Variants in MITF observed in about 807,000 individuals in gnomAD.
MITF encodes the protein microphthalmia-associated transcription factor.
A neutral mutation model predicts 60.5 loss-of-function variants in MITF; 17 were observed. The observed-to-expected ratio is 0.28, with a 90% CI of 0.19 to 0.42. The LOEUF is 0.42. Ranked by LOEUF, MITF falls within the 10% of genes least tolerant of loss-of-function variation. The probability of loss-of-function intolerance (pLI) is 1.00; values close to 1 mark genes in which losing one functional copy is unlikely to be tolerated. For missense variants in MITF, 622 were observed against 683.5 expected (o/e 0.91, Z 1.00); for synonymous variants, 260 against 248.5 (o/e 1.05, Z -0.43).
intron 2 of MITF, among the ~76,000 whole-genome samples, chr3:69,925,501 T>C (rs1247679098): frequency 6.6e-6 from 1 of 152,228 alleles, no homozygotes; most frequent in Non-Finnish European, 1.5e-5. Flanking sequence ...GTTTTTAAAT[T>C]AGACTTAGTG....
chr3:69,755,433 G>GTTT (rs542141862), intron 1 of MITF, among the ~76,000 whole-genome samples: 5 of 35,426 alleles, frequency 1.4e-4, no homozygotes, highest in African/African-American at 1.4e-4. Context: ...ACCCTTCTGG[G>GTTT]TTTTTTTTTT....
At chr3:69,839,317 C>T (rs1257187681) in intron 1 of MITF, among the ~76,000 whole-genome samples, 1 of 151,728 alleles carries the variant, frequency 6.6e-6, no homozygotes. Flanking sequence ...ACTGCTTTTC[C>T]CACTGGAAGA....
intron 5 of MITF, among the ~76,000 whole-genome samples, chr3:69,945,455 C>T (rs2066071863): frequency 6.6e-6 from 1 of 152,130 alleles, no homozygotes; most frequent in South Asian, 2.1e-4. Context: ...TTTTTCTTAG[C>T]TCTAAAGGTG....
intron 2 of MITF, among the ~76,000 whole-genome samples, chr3:69,917,085 TAAAAACAAG>T (rs755930023): frequency 6.6e-6 from 1 of 152,116 alleles, no homozygotes; most frequent in African/African-American, 2.4e-5. Context: ...TAACAGGGTA[TAAAAACAAG>T]AAAAACAAGA....
Position 69,965,070 on chromosome 3 carries a change from A to G in MITF, c.1403A>G (p.Asn468Ser), listed in dbSNP as rs1329983666. The change falls in exon 10 of 10, where the codon AAC (asparagine) becomes AGC (serine). Residue 468 changes from asparagine to serine, a missense_variant. By Grantham distance (46) the Asn-to-Ser change is conservative. Transcript: ENST00000352241. Reference sequence around the variant, plus strand: ...AACCTCGGAACTGGGACTGAGGCCAACCAAGCCTATAGTGTCCCCACAAAA... The same window carrying G: ...AACCTCGGAACTGGGACTGAGGCCAGCCAAGCCTATAGTGTCCCCACAAAA... ...NNNLGTGTEA[N>S]QAYSVPTKMG... 2 of 1,614,098 alleles carry G rather than the reference A, an allele frequency of 1.2e-6. No homozygotes were observed. The highest frequency in any genetic ancestry group is 8.5e-7 in the Non-Finnish European group (1 of 1,180,004).
At chr3:69,946,613 C>G (rs759742898) in intron 5 of MITF, among the ~76,000 whole-genome samples, 1 of 152,044 alleles carries the variant, frequency 6.6e-6, no homozygotes. Context: ...AATGAGATGA[C>G]CCCCAGCAAA....
intron 1 of MITF, chr3:69,763,951 G>A (rs963853013): frequency 7.4e-7 from 1 of 1,350,362 alleles, no homozygotes; most frequent in Admixed American, 2.2e-5. Context: ...AGGTAATACA[G>A]ATGATAACCA....
At chr3:69,832,689 G>GT (rs72447771) in intron 1 of MITF, among the ~76,000 whole-genome samples, 7 of 126,406 alleles carry the variant, frequency 5.5e-5, no homozygotes, top group African/African-American at 1.9e-4. Context: ...CAGTGTATGT[G>GT]TTTTTTTTGC....
intron 1 of MITF, among the ~76,000 whole-genome samples, chr3:69,758,043 CTA>C (rs1276115700): frequency 3.9e-5 from 4 of 103,800 alleles, no homozygotes; most frequent in Admixed American, 9.8e-5. Context: ...GTGTGTGTGT[CTA>C]TATATATAAT....
chr3:69,914,563 T>C (rs2065293373), intron 2 of MITF, among the ~76,000 whole-genome samples: 1 of 152,230 alleles, frequency 6.6e-6, no homozygotes, highest in Non-Finnish European at 1.5e-5. Context: ...TTATTGCTTC[T>C]TCTGGCTTGG....
intron 1 of MITF, among the ~76,000 whole-genome samples, chr3:69,870,054 T>C (rs1476097625): frequency 1.3e-5 from 2 of 152,006 alleles, no homozygotes; most frequent in African/African-American, 4.8e-5. Flanking sequence ...TTCCTATTTT[T>C]CTTCACCTAG....
At chr3:69,791,829 T>C (rs144588177) in intron 1 of MITF, among the ~76,000 whole-genome samples, 14 of 152,356 alleles carry the variant, frequency 9.2e-5, no homozygotes, top group African/African-American at 3.1e-4. Flanking sequence ...ACTGCCTATA[T>C]GTTTCATGCT....
chr3:69,882,404 G>A (rs1204851654), intron 2 of MITF, among the ~76,000 whole-genome samples: 1 of 152,026 alleles, frequency 6.6e-6, no homozygotes, highest in Non-Finnish European at 1.5e-5. Context: ...TATTTACATA[G>A]TAAAGATATT....
At chr3:69,757,257 T>C (rs1704186988) in intron 1 of MITF, among the ~76,000 whole-genome samples, 1 of 152,162 alleles carries the variant, frequency 6.6e-6, no homozygotes, top group Non-Finnish European at 1.5e-5. Flanking sequence ...TACAAACATA[T>C]GTAGGATTCT....
intron 1 of MITF, among the ~76,000 whole-genome samples, chr3:69,821,690 T>TAAAAAAAAAAAAAAAAAAAAAACAAAA: frequency 8.8e-6 from 1 of 113,248 alleles, no homozygotes; most frequent in Non-Finnish European, 1.8e-5. Flanking sequence ...AAAAAAAAAC[T>TAAAAAAAAAAAAAAAAAAAAAACAAAA]AAAAAAAAAA....
In MITF at chr3:69,927,908, G is replaced by A. The variant is rs533637846; in HGVS notation, c.355-9914G>A. ...ATAATTAATTGAATCCATGGCCTAT[G>A]AGATATTTGTTTTCAATTTTTTTAT... On this transcript the variant is annotated intron_variant, in intron 2 of 9. Coordinates refer to ENST00000352241, the MANE Select transcript of MITF (RefSeq NM_001354604.2). Among the ~76,000 whole-genome samples, 6 of 152,340 alleles carry A rather than the reference G, an allele frequency of 3.9e-5. No individual in the cohort carries two copies. The East Asian group carries it at 1.2e-3, about 29-fold the overall frequency.
chr3:69,962,933 G>C (rs1013223012), intron 9 of MITF, among the ~76,000 whole-genome samples: 1 of 152,154 alleles, frequency 6.6e-6, no homozygotes, highest in Non-Finnish European at 1.5e-5. Flanking sequence ...TGTCAGCAGG[G>C]TTGGTCCCTT....
intron 1 of MITF, among the ~76,000 whole-genome samples, chr3:69,741,187 GTT>G (rs1703516465): frequency 6.6e-6 from 1 of 152,138 alleles, no homozygotes; most frequent in African/African-American, 2.4e-5. Context: ...GATTGTGTGT[GTT>G]GGGGGCTGGG....
At chr3:69,883,052 G>A (rs1291331849) in intron 2 of MITF, among the ~76,000 whole-genome samples, 1 of 152,150 alleles carries the variant, frequency 6.6e-6, no homozygotes, top group Non-Finnish European at 1.5e-5. Flanking sequence ...AAGTCGAAGT[G>A]TCTTCTCTGG....
Sources: allele counts gnomAD v4.1 joint callset (sites outside exome capture counted in the v4.1 genomes callset), GRCh38; gene constraint gnomAD v4.1.1; transcripts MANE v1.5; gene names NCBI Gene and HGNC (gene_info 2026-07-23, HGNC 2026-07-21).